The following SPIDR variants were observed in gnomAD, a reference collection of about 807,000 sequenced individuals.
SPIDR encodes DNA repair-scaffolding protein.
SPIDR carries 93 observed loss-of-function variants against 104.6 expected under a neutral mutation model. The observed-to-expected ratio is 0.89, with a 90% CI of 0.75 to 1.06. The LOEUF (loss-of-function observed/expected upper bound fraction) is 1.06. SPIDR is among the 50% of genes least tolerant of loss of function. The pLI is 0.00. For missense variants in SPIDR, 1,154 were observed against 1,111.2 expected, an observed-to-expected ratio of 1.04 and a Z score of -0.55; for synonymous variants, 431 against 416.9, an observed-to-expected ratio of 1.03 and a Z score of -0.41.
chr8:47,330,330 T>G (rs1554603717), intron 5 of SPIDR, among the ~76,000 whole-genome samples: 1 of 152,208 alleles, frequency 6.6e-6, no homozygotes, highest in East Asian at 1.9e-4. Context: ...AATGGTATAT[T>G]TGTTACAGTT....
rs533961674 is a variant in SPIDR, at chr8:47,419,130, G to C, written c.877+11169G>C. 1.4e-4 allele frequency: 22 copies of C among 152,268 alleles called. 1 individual carries two copies. Among genetic ancestry groups the C allele is most frequent in the South Asian group, 4.1e-4 (2 of 4,824 alleles). 9.4% of individuals were successfully genotyped at this position (152,268 alleles called of 1,614,324 possible). ...TTTGGTATCAGGATGATGCTGGCCT[G>C]ATAAAATGAGTGAGGGAGGATTCCC... On this transcript the variant is annotated intron_variant, in intron 7 of 19. Coordinates refer to ENST00000297423, the MANE Select transcript of SPIDR (RefSeq NM_001080394.4).
intron 5 of SPIDR, among the ~76,000 whole-genome samples, chr8:47,300,032 G>C (rs1434089595): frequency 6.6e-6 from 1 of 152,180 alleles, no homozygotes; most frequent in Non-Finnish European, 1.5e-5. Flanking sequence ...AATGGTACCA[G>C]CTCCTCTTTG....
intron 5 of SPIDR, among the ~76,000 whole-genome samples, chr8:47,329,844 G>A (rs2048354474): frequency 6.6e-6 from 1 of 152,050 alleles, no homozygotes; most frequent in Non-Finnish European, 1.5e-5. Context: ...TGTTTCCTTA[G>A]TTTGGTAAAG....
In SPIDR at chr8:47,353,771, G is replaced by A. The variant is rs143175400; in HGVS notation, c.526-42605G>A. Among the ~76,000 whole-genome samples, 414 of 149,888 alleles carry A rather than the reference G, an allele frequency of 2.8e-3. 1 individual carries two copies. Among genetic ancestry groups the A allele is most frequent in the African/African-American group, 9.9e-3 (404 of 40,698 alleles). ...TTTGTGCTTTTGCCAAGAACACAGT[G>A]TTCTGTTAAGTCATTCAGTGACGAA... On this transcript the variant is annotated intron_variant, in intron 5 of 19. Coordinates refer to ENST00000297423, the MANE Select transcript of SPIDR (RefSeq NM_001080394.4).
chr8:47,307,788 C>T (rs1296920091), intron 5 of SPIDR, among the ~76,000 whole-genome samples: 1 of 151,994 alleles, frequency 6.6e-6, no homozygotes, highest in African/African-American at 2.4e-5. Context: ...ATCTTCCCGC[C>T]TTGGCCTTCC....
At chr8:47,443,642 C>CTT (rs1208982471) in intron 8 of SPIDR, among the ~76,000 whole-genome samples, 3 of 132,254 alleles carry the variant, frequency 2.3e-5, no homozygotes, top group Non-Finnish European at 3.3e-5. Flanking sequence ...AAGGACTAGT[C>CTT]TTTTTTTTTT....
At chr8:47,417,035 A>AT (rs1207270319) in intron 7 of SPIDR, among the ~76,000 whole-genome samples, 2 of 152,160 alleles carry the variant, frequency 1.3e-5, no homozygotes, top group African/African-American at 4.8e-5. Flanking sequence ...ATTTTTGGAC[A>AT]TTTGGGTTGG....
intron 12 of SPIDR, among the ~76,000 whole-genome samples, chr8:47,701,259 C>T (rs539190075): frequency 8.5e-5 from 13 of 152,278 alleles, no homozygotes; most frequent in African/African-American, 3.1e-4. Context: ...ATGGAGAAAC[C>T]CCGTCTCTAC....
At chr8:47,654,316 A>G (rs2072277742) in intron 10 of SPIDR, among the ~76,000 whole-genome samples, 1 of 152,336 alleles carries the variant, frequency 6.6e-6, no homozygotes, top group South Asian at 2.1e-4. Flanking sequence ...GACCGTGACA[A>G]TGGGGATGAG....
chr8:47,378,472 C>T (rs2058934853), intron 5 of SPIDR, among the ~76,000 whole-genome samples: 1 of 152,194 alleles, frequency 6.6e-6, no homozygotes, highest in African/African-American at 2.4e-5. Flanking sequence ...TTGCAGCTAT[C>T]AAAGTTAAAT....
chr8:47,652,954 A>C (rs2071950729), intron 10 of SPIDR, among the ~76,000 whole-genome samples: 1 of 152,192 alleles, frequency 6.6e-6, no homozygotes, highest in Non-Finnish European at 1.5e-5. Flanking sequence ...CCACTACAGT[A>C]GCAGTTTACC....
intron 8 of SPIDR, among the ~76,000 whole-genome samples, chr8:47,517,631 A>T (rs560068098): frequency 1.3e-5 from 2 of 152,374 alleles, no homozygotes; most frequent in East Asian, 3.9e-4. Flanking sequence ...TCTCAGAAAA[A>T]AACATACTTT....
At chr8:47,326,677 T>C (rs1035913638) in intron 5 of SPIDR, among the ~76,000 whole-genome samples, 4 of 152,234 alleles carry the variant, frequency 2.6e-5, no homozygotes, top group Non-Finnish European at 5.9e-5. Flanking sequence ...GTTTTACCTG[T>C]TCTGTTATTT....
intron 8 of SPIDR, among the ~76,000 whole-genome samples, chr8:47,516,053 C>T (rs1197741140): frequency 6.6e-6 from 1 of 152,250 alleles, no homozygotes; most frequent in African/African-American, 2.4e-5. Context: ...TCGTGATCCG[C>T]CCGCCTCGGC....
chr8:47,447,140 T>C (rs1217990883), intron 8 of SPIDR, among the ~76,000 whole-genome samples: 1 of 152,202 alleles, frequency 6.6e-6, no homozygotes, highest in Non-Finnish European at 1.5e-5. Context: ...GGGACTGAAT[T>C]GCTAAAATCT....
At chr8:47,508,780 A>C (rs1375107970) in intron 8 of SPIDR, among the ~76,000 whole-genome samples, 2 of 152,100 alleles carry the variant, frequency 1.3e-5, no homozygotes, top group African/African-American at 4.8e-5. Flanking sequence ...CCACCCCACC[A>C]TCAGGACACA....
Position 47,268,854 on chromosome 8 carries a change from T to A in SPIDR, c.33+7863T>A, listed in dbSNP as rs2034645799. Among the ~76,000 whole-genome samples the A allele has an allele frequency of 1.3e-5, 2 of 152,196 alleles. 1 individual carries two copies. Among genetic ancestry groups the A allele is most frequent in the South Asian group, 4.1e-4 (2 of 4,832 alleles). ...TTTTTGGGTTTTCTGAAGTGTGGATTCCTTAGGATTTCCTGTGTACAAGGT... is the reference window on the plus strand; with the variant it reads ...TTTTTGGGTTTTCTGAAGTGTGGATACCTTAGGATTTCCTGTGTACAAGGT... On this transcript the variant is annotated intron_variant, in intron 1 of 19. Coordinates refer to ENST00000297423, the MANE Select transcript of SPIDR (RefSeq NM_001080394.4).
At chr8:47,504,718 TTAGA>T (rs1164233895) in intron 8 of SPIDR, among the ~76,000 whole-genome samples, 14 of 152,318 alleles carry the variant, frequency 9.2e-5, no homozygotes, top group Admixed American at 2.6e-4. Flanking sequence ...ACTCTGATTT[TTAGA>T]GTTTCCAGTT....
chr8:47,722,920 C>T (rs371104657), intron 16 of SPIDR, among the ~76,000 whole-genome samples: 26 of 151,938 alleles, frequency 1.7e-4, no homozygotes, highest in East Asian at 1.5e-3. Context: ...CTAACTGCAA[C>T]CTTGAACTCT....
Sources: gnomAD v4.1 joint callset for allele counts (sites outside exome capture counted in the v4.1 genomes callset) on GRCh38, gnomAD v4.1.1 for gene constraint, MANE v1.5 for transcripts, NCBI Gene and HGNC (gene_info 2026-07-23, HGNC 2026-07-21) for gene names.